POLR3B: variants seen among roughly 807,000 people sequenced by gnomAD.
The protein encoded by POLR3B is DNA-directed RNA polymerase III subunit RPC2.
POLR3B carries 96 observed loss-of-function variants against 147.4 expected under a neutral mutation model. The observed-to-expected ratio is 0.65, with a 90% CI of 0.55 to 0.77. The LOEUF (loss-of-function observed/expected upper bound fraction) is 0.77. Ranked by LOEUF, POLR3B falls within the 30% of genes least tolerant of loss-of-function variation. The pLI, the probability that POLR3B is intolerant of heterozygous loss-of-function variation, is 0.00. For synonymous variants in POLR3B, 461 were observed against 485.9 expected, an observed-to-expected ratio of 0.95 and a Z score of 0.67; for missense variants, 1,036 against 1,413.5, an observed-to-expected ratio of 0.73 and a Z score of 4.28.
intron 1 of POLR3B, 195 bp downstream of exon 1, chr12:106,358,146 C>A (rs562636662): frequency 1.4e-6 from 2 of 1,455,306 alleles, no homozygotes; most frequent in Non-Finnish European, 1.8e-6. Context: ...GAAGGCTGAT[C>A]CCAGAGGAGC....
chr12:106,467,735 G>A (rs2038026004), intron 23 of POLR3B, among the ~76,000 whole-genome samples: 1 of 152,180 alleles, frequency 6.6e-6, no homozygotes, highest in Non-Finnish European at 1.5e-5. Flanking sequence ...CATTGGATCT[G>A]TTTATGTGAT....
At chr12:106,424,975 A>G (rs1255414003) in intron 12 of POLR3B, among the ~76,000 whole-genome samples, 1 of 152,186 alleles carries the variant, frequency 6.6e-6, no homozygotes, top group Non-Finnish European at 1.5e-5. Context: ...CAAACTTGCT[A>G]AACACATGTG....
At chr12:106,484,690 T>TG (rs1247142957) in intron 23 of POLR3B, among the ~76,000 whole-genome samples, 1 of 151,164 alleles carries the variant, frequency 6.6e-6, no homozygotes, top group Non-Finnish European at 1.5e-5. Context: ...GGTTTAGAGG[T>TG]GGGGGTGTGT....
intron 10 of POLR3B, 135 bp downstream of exon 10, chr12:106,393,288 G>A (rs2036936866): frequency 7.6e-7 from 1 of 1,320,338 alleles, no homozygotes; most frequent in African/African-American, 1.4e-5. Context: ...TGGGAGGAGT[G>A]AAGTTTCTTT....
chr12:106,469,877 T>C (rs2038064585), intron 23 of POLR3B, among the ~76,000 whole-genome samples: 1 of 152,220 alleles, frequency 6.6e-6, no homozygotes, highest in South Asian at 2.1e-4. Flanking sequence ...CTGGCTGCCC[T>C]TAACACTTTT....
At chr12:106,416,132 A>G (rs750371082) in intron 12 of POLR3B, among the ~76,000 whole-genome samples, 1 of 152,178 alleles carries the variant, frequency 6.6e-6, no homozygotes, top group Non-Finnish European at 1.5e-5. Flanking sequence ...GTTTGCTGTC[A>G]TTAGTTTGAA....
intron 12 of POLR3B, among the ~76,000 whole-genome samples, chr12:106,420,403 G>T (rs941534458): frequency 3.3e-5 from 5 of 152,094 alleles, no homozygotes; most frequent in African/African-American, 1.2e-4. Flanking sequence ...CTTCAGTCCA[G>T]TAAGACTGCA....
chr12:106,501,990 G>C (rs1369019667), intron 26 of POLR3B, among the ~76,000 whole-genome samples: 1 of 152,210 alleles, frequency 6.6e-6, no homozygotes, highest in Non-Finnish European at 1.5e-5. Context: ...TTAATGAATG[G>C]ATAAATTTCT....
At chr12:106,489,939 A>G (rs892516335) in intron 23 of POLR3B, among the ~76,000 whole-genome samples, 2 of 152,184 alleles carry the variant, frequency 1.3e-5, no homozygotes, top group African/African-American at 4.8e-5. Context: ...GCCCCATCAT[A>G]AGGTGTATGA....
At chr12:106,358,790 A>G (rs1358350005) in intron 1 of POLR3B, among the ~76,000 whole-genome samples, 1 of 152,200 alleles carries the variant, frequency 6.6e-6, no homozygotes, top group African/African-American at 2.4e-5. Context: ...AGGAGAAGAG[A>G]TAAAAGACAG....
At chr12:106,436,932 C>T in intron 16 of POLR3B, 125 bp from the exon 17 acceptor site, 1 of 763,990 alleles carries the variant, frequency 1.3e-6, no homozygotes, top group Non-Finnish European at 2.3e-6. Flanking sequence ...ACCTGGTGTC[C>T]TCAGCAATCC....
chr12:106,413,064 T>A (rs1320733724), intron 12 of POLR3B, among the ~76,000 whole-genome samples: 1 of 152,200 alleles, frequency 6.6e-6, no homozygotes, highest in East Asian at 1.9e-4. Flanking sequence ...TGCAATTATT[T>A]TCTCCCATTC....
chr12:106,407,954 T>C (rs1181507941), intron 11 of POLR3B, among the ~76,000 whole-genome samples: 2 of 152,218 alleles, frequency 1.3e-5, no homozygotes, highest in African/African-American at 4.8e-5. Context: ...GAAAAGAACT[T>C]TGTTTTCCAG....
chr12:106,403,776 C>T lies in POLR3B; in HGVS notation c.847-2081C>T, dbSNP rs560106553. On this transcript the variant is annotated intron_variant, in intron 10 of 27. Coordinates refer to ENST00000228347, the MANE Select transcript of POLR3B (RefSeq NM_018082.6). ...ATTGAACAATGAGAACACATGGACA[C>T]GGGGTGGGGAACATCACACACCGGG... Among the ~76,000 whole-genome samples, 539 of 121,148 alleles carry T rather than the reference C, an allele frequency of 4.4e-3. 3 individuals carry two copies. Among genetic ancestry groups the T allele is most frequent in the African/African-American group, 0.017 (505 of 30,554 alleles). The allele number at this position is 121,148 out of a possible 152,430, so 79.5% of individuals were successfully genotyped here. A position where few individuals can be genotyped will look rare whatever the true frequency, so the allele number is the denominator to read the frequency against.
chr12:106,469,786 C>G (rs976510804), intron 23 of POLR3B, among the ~76,000 whole-genome samples: 1 of 152,358 alleles, frequency 6.6e-6, no homozygotes, highest in East Asian at 1.9e-4. Context: ...CGCCTACTCT[C>G]TTCTGGCTTG....
chr12:106,496,017 A>C, intron 23 of POLR3B, 38 bp from the exon 24 acceptor site: 1 of 1,215,232 alleles, frequency 8.2e-7, no homozygotes, highest in Non-Finnish European at 1.2e-6. Context: ...CCTTTCTGCC[A>C]ACTTGCTTTA....
chr12:106,440,629 C>T lies in POLR3B; in HGVS notation c.1955+2850C>T, dbSNP rs371332624. 2.6e-4 allele frequency among the ~76,000 whole-genome samples: 39 copies of T among 152,326 alleles called. 1 individual carries two copies. The highest frequency in any genetic ancestry group is 3.8e-4 in the Non-Finnish European group (26 of 68,030). ...CCTGCATGGCTCACTGCTTCACCCC[C>T]TCCAGGTCTTCACTTAGGTGTCACC... On this transcript the variant is annotated intron_variant, in intron 18 of 27. Transcript: ENST00000228347.
chr12:106,461,895 C>T (rs982961567), intron 22 of POLR3B, among the ~76,000 whole-genome samples: 3 of 152,172 alleles, frequency 2.0e-5, no homozygotes, highest in Non-Finnish European at 4.4e-5. Flanking sequence ...ACTCCAGTCA[C>T]CCTGTTTTTG....
intron 23 of POLR3B, among the ~76,000 whole-genome samples, chr12:106,482,249 G>GT (rs202058673): frequency 2.0e-5 from 3 of 152,060 alleles, no homozygotes; most frequent in Non-Finnish European, 4.4e-5. Context: ...GATACCAATA[G>GT]TTTTTTTAAA....
Sources: allele counts gnomAD v4.1 joint callset (sites outside exome capture counted in the v4.1 genomes callset), GRCh38; gene constraint gnomAD v4.1.1; transcripts MANE v1.5; gene names NCBI Gene and HGNC (gene_info 2026-07-23, HGNC 2026-07-21).